The following RSPH14 variants were observed in gnomAD, a reference collection of about 807,000 sequenced individuals.
RSPH14 encodes radial spoke head 14 homolog.
In RSPH14, 20 loss-of-function variants were observed where a neutral mutation model predicts 26.7. The ratio of observed to expected loss-of-function variants is 0.75; its 90% confidence interval spans 0.53 to 1.09. RSPH14 has a LOEUF of 1.09. Among genes scored for constraint, RSPH14 ranks in the 50% least tolerant of loss-of-function variants. RSPH14 has a pLI of 0.00. For synonymous variants in RSPH14, 177 were observed against 189.3 expected, an observed-to-expected ratio of 0.93 and a Z score of 0.53; for missense variants, 449 against 457.2, an observed-to-expected ratio of 0.98 and a Z score of 0.16.
intron 4 of RSPH14, chr22:23,123,634 CAT>C: frequency 1.7e-6 from 1 of 589,802 alleles, no homozygotes; most frequent in Non-Finnish European, 3.0e-6. Flanking sequence ...GACACACACA[CAT>C]GCACACACAC....
At chr22:23,158,827 A>C in the RSPH14 span, 4 of 1,385,392 alleles carry the variant, frequency 2.9e-6, no homozygotes, top group Non-Finnish European at 3.1e-6. Context: ...GGAGGTCCCA[A>C]GTGTGCCCTC....
intron 4 of RSPH14, among the ~76,000 whole-genome samples, chr22:23,090,372 C>T (rs986848249): frequency 2.6e-5 from 4 of 152,176 alleles, no homozygotes; most frequent in African/African-American, 9.7e-5. Context: ...TCACTGCATC[C>T]ACTTCCCCCA....
At chr22:23,133,883 C>A in intron 4 of RSPH14, 143 bp downstream of exon 4, 1 of 609,124 alleles carries the variant, frequency 1.6e-6, no homozygotes. Flanking sequence ...CCACCACACC[C>A]AGCGGATATG....
At chr22:23,180,250 A>G in the RSPH14 span, 1 of 200,326 alleles carries the variant, frequency 5.0e-6, no homozygotes, top group African/African-American at 2.3e-5. Context: ...TGTATTGGAA[A>G]GGTCTTTATG....
chr22:23,180,573 C>A, the RSPH14 span: 7 of 37,978 alleles, frequency 1.8e-4, no homozygotes, highest in African/African-American at 7.1e-3. Context: ...TCCGAGGAGG[C>A]GGCGGCGGCG....
chr22:23,130,661 C>A (rs2037012983), intron 4 of RSPH14, among the ~76,000 whole-genome samples: 1 of 152,106 alleles, frequency 6.6e-6, no homozygotes, highest in Admixed American at 6.5e-5. Context: ...GGGCTGGAAT[C>A]CAGGATAAAT....
At chr22:23,138,075 A>G (rs2070513997) in intron 3 of RSPH14, among the ~76,000 whole-genome samples, 1 of 152,190 alleles carries the variant, frequency 6.6e-6, no homozygotes, top group South Asian at 2.1e-4. Flanking sequence ...GAACTCAGCC[A>G]TCATGAACAG....
chr22:23,145,357 C>G (rs1202911347), upstream of RSPH14: 1 of 1,601,732 alleles, frequency 6.2e-7, no homozygotes, highest in Admixed American at 1.7e-5. Context: ...CAGGCAGGTT[C>G]TCGTTGCTAT....
At chr22:23,162,776 C>T in the RSPH14 span, 1 of 455,708 alleles carries the variant, frequency 2.2e-6, no homozygotes, top group Admixed American at 2.4e-5. Context: ...GTACTGCTCT[C>T]CTAGGGCCTG....
rs1203047500 is a variant in RSPH14, at chr22:23,104,533, T to C, written c.421+29493A>G. Among the ~76,000 whole-genome samples, 6 of 152,324 alleles carry C rather than the reference T, an allele frequency of 3.9e-5. No individual in the cohort carries two copies. In the South Asian group the frequency reaches 6.2e-4, roughly 16 times the overall value. On this transcript the variant is annotated intron_variant, in intron 4 of 6. Transcript: ENST00000216036. ...AATTTCCTGAGCGCATTAGCTCTGCTCAGTACACACACATGAGAACAGCTC... is the reference window on the plus strand; with the variant it reads ...AATTTCCTGAGCGCATTAGCTCTGCCCAGTACACACACATGAGAACAGCTC...
intron 4 of RSPH14, among the ~76,000 whole-genome samples, chr22:23,080,857 C>G (rs1204007566): frequency 6.6e-6 from 1 of 152,260 alleles, no homozygotes; most frequent in Non-Finnish European, 1.5e-5. Context: ...CATCAGCACT[C>G]ACTGGATTAA....
At chr22:23,145,140 A>C (rs1021696573), upstream of RSPH14, 1 of 585,682 alleles carries the variant, frequency 1.7e-6, no homozygotes, top group Non-Finnish European at 3.1e-6. Context: ...CTTATGCCAT[A>C]ACCGCCCAAC....
At chr22:23,153,027 C>A in the RSPH14 span, 1 of 1,609,486 alleles carries the variant, frequency 6.2e-7, no homozygotes, top group Non-Finnish European at 8.5e-7. Flanking sequence ...TCCTCATCCC[C>A]CACAGGTTTT....
At chr22:23,153,479 G>T in the RSPH14 span, 2 of 745,878 alleles carry the variant, frequency 2.7e-6, no homozygotes, top group Non-Finnish European at 3.3e-6. Context: ...GGCCAGCAGG[G>T]TGGCCTCCCG....
the RSPH14 span, chr22:23,159,106 CT>C: frequency 8.4e-4 from 1,336 of 1,595,616 alleles, 9 homozygotes; most frequent in African/African-American, 0.016. Context: ...GCCTATCCCC[CT>C]GGGCCTCCCT....
chr22:23,109,475 G>A (rs2069581662), intron 4 of RSPH14, among the ~76,000 whole-genome samples: 1 of 152,182 alleles, frequency 6.6e-6, no homozygotes, highest in Non-Finnish European at 1.5e-5. Flanking sequence ...GAGAGGGGTG[G>A]GTGCTGAGCC....
intron 4 of RSPH14, among the ~76,000 whole-genome samples, chr22:23,073,358 A>C (rs955597469): frequency 7.2e-5 from 11 of 152,244 alleles, no homozygotes; most frequent in Non-Finnish European, 2.9e-5. Context: ...GCAGAATCCC[A>C]GAGCAGAGGC....
intron 4 of RSPH14, among the ~76,000 whole-genome samples, chr22:23,080,400 CAGA>C (rs10571559): frequency 0.08 from 12,197 of 152,146 alleles, 1,561 homozygotes; most frequent in African/African-American, 0.27. Flanking sequence ...CTTCCTTTAG[CAGA>C]AGGACACTGG....
At chr22:23,121,720 C>CTT (rs10598505) in intron 4 of RSPH14, among the ~76,000 whole-genome samples, 8 of 123,178 alleles carry the variant, frequency 6.5e-5, no homozygotes, top group Non-Finnish European at 1.0e-4. Context: ...AGAAAAGTTC[C>CTT]TTTTTTTTTT....
Sources: gnomAD v4.1 joint callset for allele counts (sites outside exome capture counted in the v4.1 genomes callset) on GRCh38, gnomAD v4.1.1 for gene constraint, MANE v1.5 for transcripts, NCBI Gene and HGNC (gene_info 2026-07-23, HGNC 2026-07-21) for gene names.